The following GRID2 variants were observed in gnomAD, a reference collection of about 807,000 sequenced individuals.
The protein encoded by GRID2 is glutamate receptor ionotropic, delta-2.
GRID2 carries 33 observed loss-of-function variants against 114.8 expected under a neutral mutation model. That is an observed-to-expected ratio of 0.29 (90% confidence interval 0.22 to 0.38). The LOEUF is 0.38. Ranked by LOEUF, GRID2 falls within the 10% of genes least tolerant of loss-of-function variation. The probability of loss-of-function intolerance (pLI) is 1.00; values close to 1 mark genes in which losing one functional copy is unlikely to be tolerated. For synonymous variants in GRID2, 505 were observed against 449.9 expected (o/e 1.12, Z -1.55); for missense variants, 1,184 against 1,257.7 (o/e 0.94, Z 0.89).
intron 2 of GRID2, among the ~76,000 whole-genome samples, chr4:93,001,817 C>G (rs1181295493): frequency 6.6e-6 from 1 of 151,656 alleles, no homozygotes; most frequent in Non-Finnish European, 1.5e-5. Context: ...TTCACAGGAG[C>G]TAAGCAAAAT....
chr4:93,037,171 C>G (rs1560816728), intron 2 of GRID2, among the ~76,000 whole-genome samples: 3 of 152,246 alleles, frequency 2.0e-5, no homozygotes, highest in South Asian at 4.1e-4. Flanking sequence ...TGTAATTTCT[C>G]TATTTAAGGA....
In GRID2 at chr4:92,618,317, G is replaced by T. The variant is rs770911968; in HGVS notation, c.244+28031G>T. 8.6e-5 allele frequency among the ~76,000 whole-genome samples: 13 copies of T among 151,818 alleles called. 1 individual carries two copies. The highest frequency in any genetic ancestry group is 3.4e-3 in the Middle Eastern group (1 of 294). ...TGCCTTTTTCAAAAATCAGTTGGCTGTAGATGTATGGATTAATTTCTGGGT... is the reference window on the plus strand; with the variant it reads ...TGCCTTTTTCAAAAATCAGTTGGCTTTAGATGTATGGATTAATTTCTGGGT... On this transcript the variant is annotated intron_variant, in intron 2 of 15. Transcript: ENST00000282020.
At chr4:92,574,793 T>C (rs550379461) in intron 1 of GRID2, among the ~76,000 whole-genome samples, 64 of 152,268 alleles carry the variant, frequency 4.2e-4, no homozygotes, top group Non-Finnish European at 7.8e-4. Flanking sequence ...CTGATGATTA[T>C]GTGTCTTGGG....
At chr4:93,078,746 ATAC>A (rs1342126647) in intron 2 of GRID2, among the ~76,000 whole-genome samples, 12 of 139,268 alleles carry the variant, frequency 8.6e-5, no homozygotes, top group South Asian at 2.2e-4. Flanking sequence ...TATACTGTAT[ATAC>A]TAAATATAAT....
In GRID2 at chr4:93,216,864, T is replaced by G; in HGVS notation, c.916T>G (p.Ser306Ala). The G allele has an allele frequency of 6.2e-7, 1 of 1,613,116 alleles. No homozygotes were observed. Among genetic ancestry groups the G allele is most frequent in the South Asian group, 1.1e-5 (1 of 91,062 alleles). ...GTGTTTCCGTGGCAACCATCGAATA[T>G]CTTCAACATTGTGTGATCCAAAGGA... ...QRCFRGNHRI[S>A]STLCDPKDPF... Residue 306 changes from serine to alanine, a missense_variant, in exon 6 of 16, where the codon TCT becomes GCT. By Grantham distance (99) the Ser-to-Ala change is moderately conservative. Transcript: ENST00000282020.
At chr4:92,547,332 T>C (rs539780881) in intron 1 of GRID2, among the ~76,000 whole-genome samples, 6 of 152,202 alleles carry the variant, frequency 3.9e-5, no homozygotes, top group Non-Finnish European at 8.8e-5. Context: ...AGTTCTTGTA[T>C]TGAATATTTA....
chr4:92,942,243 C>G (rs1359792023), intron 2 of GRID2, among the ~76,000 whole-genome samples: 1 of 150,644 alleles, frequency 6.6e-6, no homozygotes, highest in African/African-American at 2.4e-5. Flanking sequence ...CTTTATGAAT[C>G]TGGGTGCTCC....
chr4:93,100,873 G>C (rs1260137161), intron 3 of GRID2, among the ~76,000 whole-genome samples: 1 of 151,978 alleles, frequency 6.6e-6, no homozygotes, highest in Non-Finnish European at 1.5e-5. Context: ...ACAATAATCA[G>C]ACTGAGAATT....
rs566119816 is a variant in GRID2 at position 92,685,102 on chromosome 4, G to A, written c.244+94816G>A. Among the ~76,000 whole-genome samples, 152 of 151,920 alleles carry A rather than the reference G, an allele frequency of 1.0e-3. No homozygotes were observed. The South Asian group carries it at 0.026, about 26-fold the overall frequency. On this transcript the variant is annotated intron_variant, in intron 2 of 15. Transcript: ENST00000282020. ...AAATTTATTTTACTAAATCTTACTC[G>A]AGGCAGCTATTAAATAGATTAATGA...
At chr4:93,733,153 G>A (rs769427861) in intron 14 of GRID2, among the ~76,000 whole-genome samples, 16 of 151,990 alleles carry the variant, frequency 1.1e-4, no homozygotes, top group Non-Finnish European at 2.1e-4. Flanking sequence ...CTTATTTTAG[G>A]TTTCATATGA....
intron 2 of GRID2, among the ~76,000 whole-genome samples, chr4:92,836,402 C>G (rs1479999344): frequency 6.6e-6 from 1 of 151,990 alleles, no homozygotes; most frequent in African/African-American, 2.4e-5. Context: ...CAAATAGCAT[C>G]TTAGTATTAT....
chr4:92,537,109 A>G (rs1397506137), intron 1 of GRID2, among the ~76,000 whole-genome samples: 1 of 152,118 alleles, frequency 6.6e-6, no homozygotes, highest in East Asian at 1.9e-4. Flanking sequence ...TCAATACACA[A>G]TTTCACTAAA....
At chr4:93,671,825 A>T (rs922715510) in intron 14 of GRID2, among the ~76,000 whole-genome samples, 10 of 151,470 alleles carry the variant, frequency 6.6e-5, no homozygotes, top group African/African-American at 1.5e-4. Context: ...AAAAAAAAAA[A>T]TTTTGCCAGG....
At chr4:92,996,899 CAGTT>C (rs1755235617) in intron 2 of GRID2, among the ~76,000 whole-genome samples, 1 of 152,192 alleles carries the variant, frequency 6.6e-6, no homozygotes, top group Non-Finnish European at 1.5e-5. Context: ...ACCAGATAGA[CAGTT>C]AGCAAGCAGC....
intron 1 of GRID2, among the ~76,000 whole-genome samples, chr4:92,514,087 C>T (rs935246012): frequency 6.6e-6 from 1 of 151,776 alleles, no homozygotes; most frequent in Non-Finnish European, 1.5e-5. Flanking sequence ...AAATAAAAAA[C>T]ATGAAAAGGG....
At chr4:92,473,163 G>GAATCCCCTTCACACCTTTATCAAAAATCA (rs1722125835) in intron 1 of GRID2, among the ~76,000 whole-genome samples, 2 of 152,012 alleles carry the variant, frequency 1.3e-5, no homozygotes, top group African/African-American at 4.8e-5. Flanking sequence ...TTTCTTCACT[G>GAATCCCCTTCACACCTTTATCAAAAATCA]AATCCCCTTC....
chr4:93,633,463 G>T (rs1176418148), intron 14 of GRID2, among the ~76,000 whole-genome samples: 2 of 151,976 alleles, frequency 1.3e-5, no homozygotes, highest in Non-Finnish European at 2.9e-5. Context: ...ACGTGTGTTT[G>T]TACATCTCTA....
At position 92,775,809 on chromosome 4, in the gene GRID2, A is replaced by G. The variant is rs1738767583; in HGVS notation, c.244+185523A>G. Among the ~76,000 whole-genome samples the G allele has an allele frequency of 2.0e-5, 3 of 152,160 alleles. No individual in the cohort carries two copies. In the South Asian group the frequency reaches 6.2e-4, roughly 31 times the overall value. Reference sequence around the variant, plus strand: ...GCCTTAACACATGGCCTCCTCTATCATAACTGTCATCCTTCACACTGTTCA... The same window carrying G: ...GCCTTAACACATGGCCTCCTCTATCGTAACTGTCATCCTTCACACTGTTCA... On this transcript the variant is annotated intron_variant, in intron 2 of 15. Coordinates refer to ENST00000282020, the MANE Select transcript of GRID2 (RefSeq NM_001510.4).
chr4:92,825,340 A>G (rs1395194052), intron 2 of GRID2, among the ~76,000 whole-genome samples: 3 of 152,234 alleles, frequency 2.0e-5, no homozygotes. Context: ...GCCCCTACTA[A>G]AACTCTTGGC....
Sources: allele counts gnomAD v4.1 joint callset (sites outside exome capture counted in the v4.1 genomes callset), GRCh38; gene constraint gnomAD v4.1.1; transcripts MANE v1.5; gene names NCBI Gene and HGNC (gene_info 2026-07-23, HGNC 2026-07-21).